Variants in ABRA observed in about 807,000 individuals in gnomAD.
The protein encoded by ABRA is actin binding Rho activating protein.
In ABRA, 25 loss-of-function variants were observed where a neutral mutation model predicts 33.4. That is an observed-to-expected ratio of 0.75 (90% confidence interval 0.55 to 1.04). The LOEUF (loss-of-function observed/expected upper bound fraction) is 1.04. Ranked by LOEUF, ABRA falls within the 50% of genes least tolerant of loss-of-function variation. ABRA has a pLI of 0.00. For missense variants in ABRA, 501 were observed against 491.7 expected (o/e 1.02, Z -0.18); for synonymous variants, 193 against 176.8 (o/e 1.09, Z -0.73).
At chr8:106,767,826 G>T (rs989440271) in intron 1 of ABRA, among the ~76,000 whole-genome samples, 1 of 152,128 alleles carries the variant, frequency 6.6e-6, no homozygotes, top group African/African-American at 2.4e-5. Context: ...TAGGCCGCGT[G>T]CGGTGGCTCA....
In ABRA at chr8:106,769,807, G is replaced by C; in HGVS notation, c.384C>G (p.Ser128Arg). 1 of 1,614,146 alleles carries C rather than the reference G, an allele frequency of 6.2e-7. No individual in the cohort carries two copies. The highest frequency in any genetic ancestry group is 8.5e-7 in the Non-Finnish European group (1 of 1,180,032). ...CACCAGCATCCCTCTCGTACCTGTG[G>C]CTGAGGTGGCTCACGTCCCCTCCTC... ...YERGGDVSHLSHRYERDAGVL... is the reference protein window; with the variant it reads ...YERGGDVSHLRHRYERDAGVL... Residue 128 changes from serine to arginine, a missense_variant, in exon 1 of 2, where the codon AGC (serine) becomes AGG (arginine). Transcript: ENST00000311955.
Position 106,767,320 on chromosome 8 carries a change from G to C in ABRA, c.668+2203C>G, listed in dbSNP as rs540370537. Reference sequence around the variant, plus strand: ...GTGCTGAGAGAAAGATCTTGTCATTGTGCCCCCTCAGTCTTTATTCTTTTG... The same window carrying C: ...GTGCTGAGAGAAAGATCTTGTCATTCTGCCCCCTCAGTCTTTATTCTTTTG... On this transcript the variant is annotated intron_variant, in intron 1 of 1. Transcript: ENST00000311955. Among the ~76,000 whole-genome samples the C allele has an allele frequency of 3.3e-5, 5 of 152,142 alleles. No homozygotes were observed. In the South Asian group the frequency reaches 8.3e-4, roughly 25 times the overall value.
At chr8:106,763,658 A>G (rs550498147) in intron 1 of ABRA, among the ~76,000 whole-genome samples, 1 of 152,326 alleles carries the variant, frequency 6.6e-6, no homozygotes, top group African/African-American at 2.4e-5. Context: ...ATGTTGATCA[A>G]AGGCATATTC....
Position 106,769,861 on chromosome 8 carries a change from G to C in ABRA, c.330C>G (p.Ser110=). ...EVSHIKKKEV[S]KTVVSKTYER... is the part of the protein sequence containing the mutation. ...CATAAGTCTTGCTGACCACCGTTTTGGACACCTCTTTCTTTTTGATGTGAG... is the reference window on the plus strand; with the variant it reads ...CATAAGTCTTGCTGACCACCGTTTTCGACACCTCTTTCTTTTTGATGTGAG... The change falls in exon 1 of 2, where the codon TCC becomes TCG. Residue 110 remains serine, a synonymous_variant. Transcript: ENST00000311955. 1 of 1,614,070 alleles carries C rather than the reference G, an allele frequency of 6.2e-7. No individual in the cohort carries two copies. The highest frequency in any genetic ancestry group is 1.1e-5 in the South Asian group (1 of 91,072).
At position 106,769,924 on chromosome 8, in the gene ABRA, A is replaced by G; in HGVS notation, c.267T>C (p.His89=). The G allele has an allele frequency of 6.2e-7, 1 of 1,613,940 alleles. No homozygotes were observed. The highest frequency in any genetic ancestry group is 8.5e-7 in the Non-Finnish European group (1 of 1,179,988). Residue 89 remains histidine, a synonymous_variant, in exon 1 of 2, where the codon CAT becomes CAC. Coordinates refer to ENST00000311955, the MANE Select transcript of ABRA (RefSeq NM_139166.5). ...PKSPPRLPEG[H]GDGQSSEKAP... ...CTTTCTCTGAGCTTTGTCCATCTCC[A>G]TGTCCTTCTGGCAGGCGGGGTGGCG...
intron 1 of ABRA, among the ~76,000 whole-genome samples, chr8:106,767,356 T>C (rs1438743504): frequency 6.6e-6 from 1 of 152,198 alleles, no homozygotes; most frequent in African/African-American, 2.4e-5. Flanking sequence ...GACCCCGTTA[T>C]TCCATTTCTA....
Position 106,770,108 on chromosome 8 carries a change from C to T in ABRA, c.83G>A (p.Ser28Asn). 1 of 1,613,878 alleles carries T rather than the reference C, an allele frequency of 6.2e-7. No individual in the cohort carries two copies. The highest frequency in any genetic ancestry group is 1.1e-5 in the South Asian group (1 of 91,072). Reference sequence around the variant, plus strand: ...CCACTGCTGCCAACCTCGGGCCAAGCTGATGACCAGGGTGGCTGTGCGTAT... The same window carrying T: ...CCACTGCTGCCAACCTCGGGCCAAGTTGATGACCAGGGTGGCTGTGCGTAT... ...RKIRTATLVI[S>N]LARGWQQWAN... The change falls in exon 1 of 2, where the codon AGC (serine) becomes AAC (asparagine). Residue 28 changes from serine (S) to asparagine (N), a missense_variant. Coordinates refer to ENST00000311955, the MANE Select transcript of ABRA (RefSeq NM_139166.5).
rs945297080 is a variant in ABRA, at chr8:106,761,083, A to G, written c.1100T>C (p.Leu367Pro). The change falls in exon 2 of 2, where the codon CTA becomes CCA. Residue 367 changes from leucine (L) to proline (P), a missense_variant. Transcript: ENST00000311955. ...HGLVDFEGEM[L>P]WQGRDDHVVI... ...AACATGGTCATCTCGGCCTTGCCAT[A>G]GCATCTCTCCTTCAAAGTCTACCAG... The G allele has an allele frequency of 8.7e-6, 14 of 1,614,074 alleles. No homozygotes were observed. The highest frequency in any genetic ancestry group is 1.6e-4 in the Middle Eastern group (1 of 6,084).
chr8:106,770,051 T>A lies in ABRA; in HGVS notation c.140A>T (p.Glu47Val), dbSNP rs905956992. Reference sequence around the variant, plus strand: ...CCCTCCCGGCAGCCAGCCTGTAGGCTCCTGGGCCTGCCTGATGCTGTTCTC... The same window carrying A: ...CCCTCCCGGCAGCCAGCCTGTAGGCACCTGGGCCTGCCTGATGCTGTTCTC... ...ANENSIRQAQ[E>V]PTGWLPGGTQ... The change falls in exon 1 of 2, where the codon GAG becomes GTG. Residue 47 changes from glutamate (E) to valine (V), a missense_variant. Glu to Val is a moderately radical substitution (Grantham distance 121, BLOSUM62 -2). Transcript: ENST00000311955. 3.7e-6 allele frequency: 6 copies of A among 1,613,952 alleles called. No individual in the cohort carries two copies. The Admixed American group carries it at 1.0e-4, about 27-fold the overall frequency.
In ABRA at chr8:106,769,581, G is replaced by GCCTCT; in HGVS notation, c.605_609dup (p.Pro204ArgfsTer23). The stretch of plus-strand genomic sequence containing the variant: ...GCCACCTGCACTCCATCCTGCTCGG[G>GCCTCT]CCTCTCCTCAGCCTCTCCTCCATAG... On this transcript the variant is annotated frameshift_variant, in exon 1 of 2. Coordinates refer to ENST00000311955, the MANE Select transcript of ABRA (RefSeq NM_139166.5). LOFTEE classifies it high-confidence loss of function. 2.5e-6 allele frequency: 4 copies of GCCTCT among 1,614,118 alleles called. No homozygotes were observed. The highest frequency in any genetic ancestry group is 3.4e-6 in the Non-Finnish European group (4 of 1,180,014).
chr8:106,764,867 A>G (rs971228286), intron 1 of ABRA, among the ~76,000 whole-genome samples: 2 of 151,518 alleles, frequency 1.3e-5, no homozygotes, highest in Non-Finnish European at 2.9e-5. Context: ...AATTTTCTCT[A>G]TTTTATAAAC....
At chr8:106,763,965 T>A (rs1836172910) in intron 1 of ABRA, among the ~76,000 whole-genome samples, 1 of 152,242 alleles carries the variant, frequency 6.6e-6, no homozygotes, top group African/African-American at 2.4e-5. Flanking sequence ...TTATTGGATA[T>A]TTTATAATGA....
At chr8:106,766,868 A>C (rs762495554) in intron 1 of ABRA, among the ~76,000 whole-genome samples, 24 of 152,320 alleles carry the variant, frequency 1.6e-4, no homozygotes, top group South Asian at 4.1e-4. Context: ...TCTTTTTTAG[A>C]TAAGGACCGA....
At chr8:106,769,450 G>T in intron 1 of ABRA, 73 bp downstream of exon 1, 4 of 1,545,296 alleles carry the variant, frequency 2.6e-6, no homozygotes, top group Non-Finnish European at 2.6e-6. Context: ...TTCATCTGCT[G>T]CCTGGATTCC....
chr8:106,769,100 T>C (rs13251084), intron 1 of ABRA, among the ~76,000 whole-genome samples: 1,865 of 152,316 alleles, frequency 0.012, 25 homozygotes, highest in Non-Finnish European at 0.019. Context: ...ACGTATCTCC[T>C]GATAATAGCA....
At position 106,761,305 on chromosome 8, in the gene ABRA, G is replaced by A. The variant is rs1836135102; in HGVS notation, c.878C>T (p.Thr293Ile). 6.2e-7 allele frequency: 1 copy of A among 1,614,192 alleles called. No homozygotes were observed. Among genetic ancestry groups the A allele is most frequent in the Non-Finnish European group, 8.5e-7 (1 of 1,180,032 alleles). ...DEGYGRPKEG[T>I]KTAERAKRAE... ...ACGCTTGGCCCTTTCAGCAGTTTTG[G>A]TTCCTTCTTTGGGGCGGCCATAGCC... Residue 293 changes from threonine to isoleucine, a missense_variant, in exon 2 of 2, where the codon ACC (threonine) becomes ATC (isoleucine). Thr to Ile is a moderately conservative substitution (Grantham distance 89, BLOSUM62 -1). Transcript: ENST00000311955.
rs1308423844 is a variant in ABRA at position 106,759,881 on chromosome 8, A to G, written c.*1156T>C. On this transcript the variant is annotated 3_prime_UTR_variant, in exon 2 of 2. Transcript: ENST00000311955. ...AGATCACATAGGCACATTAATGTCC[A>G]ATGATTTTCTCCTTGCCATCATCAT... 1.3e-5 allele frequency: 2 copies of G among 152,212 alleles called. No homozygotes were observed. The highest frequency in any genetic ancestry group is 3.8e-4 in the East Asian group (2 of 5,196). The allele number at this position is 152,212 out of a possible 1,614,324, so 9.4% of individuals were successfully genotyped here.
chr8:106,765,261 A>C (rs1227288783), intron 1 of ABRA, among the ~76,000 whole-genome samples: 7 of 152,130 alleles, frequency 4.6e-5, no homozygotes, highest in Non-Finnish European at 1.0e-4. Context: ...CTATAGTCCC[A>C]GCTACACTGA....
rs550145072 is a variant in ABRA at position 106,759,654 on chromosome 8, C to A, written c.*1383G>T. On this transcript the variant is annotated 3_prime_UTR_variant, in exon 2 of 2. Transcript: ENST00000311955. Reference sequence around the variant, plus strand: ...AAAATACGCATACTTTCTTAAGATACCAGAACCTTCAGTTTGAAAGAGACT... The same window carrying A: ...AAAATACGCATACTTTCTTAAGATAACAGAACCTTCAGTTTGAAAGAGACT... The A allele has an allele frequency of 1.3e-5, 2 of 152,208 alleles. No individual in the cohort carries two copies. The highest frequency in any genetic ancestry group is 4.8e-5 in the African/African-American group (2 of 41,534). 9.4% of individuals were successfully genotyped at this position (152,208 alleles called of 1,614,324 possible).
Sources: allele counts gnomAD v4.1 joint callset (sites outside exome capture counted in the v4.1 genomes callset), GRCh38; gene constraint gnomAD v4.1.1; transcripts MANE v1.5; gene names NCBI Gene and HGNC (gene_info 2026-07-23, HGNC 2026-07-21).